ANKRD29: variants seen among roughly 807,000 people sequenced by gnomAD.
ANKRD29 encodes ankyrin repeat domain 29.
In ANKRD29, 32 loss-of-function variants were observed where a neutral mutation model predicts 38.0. The ratio of observed to expected loss-of-function variants is 0.84; its 90% CI spans 0.64 to 1.13. ANKRD29 has a LOEUF of 1.13. Ranked by LOEUF, ANKRD29 falls within the 50% of genes most tolerant of loss-of-function variation. ANKRD29 has a pLI of 0.00. For synonymous variants in ANKRD29, 135 were observed against 152.4 expected, an observed-to-expected ratio of 0.89 and a Z score of 0.84; for missense variants, 357 against 377.9, an observed-to-expected ratio of 0.94 and a Z score of 0.46.
Position 23,600,017 on chromosome 18 carries a change from A to T in ANKRD29, c.*1209T>A, listed in dbSNP as rs934126253. On this transcript the variant is annotated 3_prime_UTR_variant, in exon 10 of 10. Coordinates refer to ENST00000592179, the MANE Select transcript of ANKRD29 (RefSeq NM_173505.4). ...AAGAAATAAGCTAAAGATGTGTTTAAATAGCAGAAATACCATTGCGTTTAT... is the reference window on the plus strand; with the variant it reads ...AAGAAATAAGCTAAAGATGTGTTTATATAGCAGAAATACCATTGCGTTTAT... 6.6e-6 allele frequency: 1 copy of T among 152,250 alleles called. No homozygotes were observed. Among genetic ancestry groups the T allele is most frequent in the Non-Finnish European group, 1.5e-5 (1 of 68,032 alleles). 9.4% of individuals were successfully genotyped at this position (152,250 alleles called of 1,614,324 possible).
intron 1 of ANKRD29, among the ~76,000 whole-genome samples, chr18:23,657,009 G>T (rs2060292975): frequency 6.6e-6 from 1 of 152,216 alleles, no homozygotes; most frequent in South Asian, 2.1e-4. Flanking sequence ...GCACTGCAGT[G>T]AATAGGCCCA....
chr18:23,613,481 T>A (rs1470083875), intron 8 of ANKRD29, among the ~76,000 whole-genome samples: 1 of 151,912 alleles, frequency 6.6e-6, no homozygotes, highest in Non-Finnish European at 1.5e-5. Flanking sequence ...CAGGAGTTTT[T>A]AAAAAGCCAA....
chr18:23,662,788 C>A lies in ANKRD29; in HGVS notation c.-58G>T. ...TTTGGGCCCGGGGCGCCTTGTCCTCCCCGGCCCTTCACTCTCCCGGGGCTC... is the reference window on the plus strand; with the variant it reads ...TTTGGGCCCGGGGCGCCTTGTCCTCACCGGCCCTTCACTCTCCCGGGGCTC... On this transcript the variant is annotated 5_prime_UTR_variant, in exon 1 of 10. Transcript: ENST00000592179. 2 of 1,406,106 alleles carry A rather than the reference C, an allele frequency of 1.4e-6. No homozygotes were observed. The highest frequency in any genetic ancestry group is 3.2e-5 in the East Asian group (1 of 31,600). The allele number at this position is 1,406,106 out of a possible 1,614,324, so 87.1% of individuals were successfully genotyped here. A position where few individuals can be genotyped will look rare whatever the true frequency, so the allele number is the denominator to read the frequency against.
At position 23,612,107 on chromosome 18, in the gene ANKRD29, T is replaced by G. The variant is rs2059650102; in HGVS notation, c.807A>C (p.Pro269=). Residue 269 remains proline, a synonymous_variant, in exon 9 of 10, where the codon CCA becomes CCC. Coordinates refer to ENST00000592179, the MANE Select transcript of ANKRD29 (RefSeq NM_173505.4). ...TAGTGGGTACCTTGTTTCTCAGGGA[T>G]GGGTCTGCCCCTGCTTCTAGGAGCA... ...VALLLEAGAD[P]SLRNKANELP... The G allele has an allele frequency of 1.9e-6, 3 of 1,613,674 alleles. No individual in the cohort carries two copies. Among genetic ancestry groups the G allele is most frequent in the African/African-American group, 2.7e-5 (2 of 75,034 alleles).
intron 8 of ANKRD29, 129 bp from the exon 9 acceptor site, chr18:23,612,319 G>T (rs1232855832): frequency 2.4e-5 from 18 of 753,284 alleles, no homozygotes; most frequent in Non-Finnish European, 3.6e-5. Flanking sequence ...ATCTTGCCTT[G>T]TACTTTTCAA....
At chr18:23,661,511 G>T (rs2060361088) in intron 1 of ANKRD29, among the ~76,000 whole-genome samples, 1 of 152,204 alleles carries the variant, frequency 6.6e-6, no homozygotes, top group Non-Finnish European at 1.5e-5. Flanking sequence ...TTCGAGACCA[G>T]CCTCGCCAAC....
chr18:23,657,874 G>A (rs1029703019), intron 1 of ANKRD29, among the ~76,000 whole-genome samples: 1 of 152,100 alleles, frequency 6.6e-6, no homozygotes, highest in African/African-American at 2.4e-5. Context: ...CCAATGTCTT[G>A]CGAGCCCAAT....
intron 1 of ANKRD29, among the ~76,000 whole-genome samples, chr18:23,656,520 C>T (rs2060286504): frequency 6.6e-6 from 1 of 152,166 alleles, no homozygotes; most frequent in South Asian, 2.1e-4. Context: ...CAAAACATAA[C>T]ATCCTGTCAA....
intron 9 of ANKRD29, among the ~76,000 whole-genome samples, chr18:23,611,711 C>T (rs1283329723): frequency 2.0e-5 from 3 of 151,650 alleles, no homozygotes; most frequent in East Asian, 1.9e-4. Flanking sequence ...CCATTGATAG[C>T]GCCCTCACCC....
At chr18:23,659,139 G>A (rs962607610) in intron 1 of ANKRD29, among the ~76,000 whole-genome samples, 1 of 152,180 alleles carries the variant, frequency 6.6e-6, no homozygotes, top group South Asian at 2.1e-4. Context: ...CTGCCATGAC[G>A]TCCAGCTAAT....
intron 9 of ANKRD29, 78 bp downstream of exon 9, chr18:23,612,014 A>G: frequency 7.7e-7 from 1 of 1,301,786 alleles, no homozygotes; most frequent in Non-Finnish European, 1.1e-6. Context: ...GACTGGAGCC[A>G]GGGAGATGTT....
intron 5 of ANKRD29, among the ~76,000 whole-genome samples, chr18:23,633,690 C>A (rs2059962700): frequency 6.6e-6 from 1 of 152,092 alleles, no homozygotes; most frequent in East Asian, 1.9e-4. Context: ...CCTGCCTCAG[C>A]CTCCTGAGTA....
At chr18:23,602,189 A>T (rs1342366900) in intron 9 of ANKRD29, among the ~76,000 whole-genome samples, 3 of 152,064 alleles carry the variant, frequency 2.0e-5, no homozygotes, top group African/African-American at 7.2e-5. Flanking sequence ...GGCATGTGCC[A>T]CCATGCTCGG....
chr18:23,655,699 C>T (rs1199519703), intron 1 of ANKRD29, among the ~76,000 whole-genome samples: 1 of 151,934 alleles, frequency 6.6e-6, no homozygotes, highest in Non-Finnish European at 1.5e-5. Flanking sequence ...AGGTGATCTA[C>T]CCGCCTCAGC....
chr18:23,648,136 A>T (rs1470713996), intron 2 of ANKRD29: 5 of 152,334 alleles, frequency 3.3e-5, no homozygotes, highest in Admixed American at 3.3e-4. Flanking sequence ...ACTCCTGCAG[A>T]TGCTCCTATG....
chr18:23,637,335 C>T (rs2060015337), intron 4 of ANKRD29, among the ~76,000 whole-genome samples: 1 of 152,192 alleles, frequency 6.6e-6, no homozygotes, highest in South Asian at 2.1e-4. Flanking sequence ...AGTACAATAG[C>T]AGGTTTCAGA....
chr18:23,631,305 A>T (rs2059929731), intron 5 of ANKRD29, among the ~76,000 whole-genome samples: 1 of 151,022 alleles, frequency 6.6e-6, no homozygotes, highest in Admixed American at 6.6e-5. Flanking sequence ...TAGTGGTACG[A>T]CCACAGCTCA....
intron 1 of ANKRD29, among the ~76,000 whole-genome samples, chr18:23,654,633 A>G (rs2060255720): frequency 6.6e-6 from 1 of 151,264 alleles, no homozygotes; most frequent in Non-Finnish European, 1.5e-5. Context: ...AAAAAAAAAA[A>G]AAAAAAAAAG....
At chr18:23,616,796 A>G (rs2059729065) in intron 8 of ANKRD29, among the ~76,000 whole-genome samples, 1 of 147,058 alleles carries the variant, frequency 6.8e-6, no homozygotes, top group Non-Finnish European at 1.5e-5. Context: ...ATATAATATA[A>G]TAAAATTAAT....
Sources: gnomAD v4.1 joint callset for allele counts (sites outside exome capture counted in the v4.1 genomes callset) on GRCh38, gnomAD v4.1.1 for gene constraint, MANE v1.5 for transcripts, NCBI Gene and HGNC (gene_info 2026-07-23, HGNC 2026-07-21) for gene names.